Variants in TACC2 observed in about 807,000 individuals in gnomAD.
The protein encoded by TACC2 is transforming acidic coiled-coil containing protein 2, also known as transforming acidic coiled-coil-containing protein 2.
In TACC2, 137 loss-of-function variants were observed where a neutral mutation model predicts 227.3. The observed-to-expected ratio is 0.60, with a 90% CI of 0.52 to 0.69. The LOEUF is 0.69. TACC2 is among the 30% of genes least tolerant of loss of function. The pLI, the probability that TACC2 is intolerant of heterozygous loss-of-function variation, is 0.00. For synonymous variants in TACC2, 1,523 were observed against 1,487.5 expected (o/e 1.02, Z -0.55); for missense variants, 3,470 against 3,694.4 (o/e 0.94, Z 1.57).
chr10:122,093,332 G>A (rs1390253714), intron 5 of TACC2, among the ~76,000 whole-genome samples: 1 of 152,044 alleles, frequency 6.6e-6, no homozygotes, highest in Non-Finnish European at 1.5e-5. Context: ...CTTCTCTCTT[G>A]TCCTCCCATG....
intron 5 of TACC2, among the ~76,000 whole-genome samples, chr10:122,125,562 T>C (rs2086676711): frequency 6.6e-6 from 1 of 152,106 alleles, no homozygotes; most frequent in Non-Finnish European, 1.5e-5. Context: ...TGTCACCTAG[T>C]TTCTTCATGG....
intron 2 of TACC2, among the ~76,000 whole-genome samples, chr10:122,024,884 G>A (rs1957792499): frequency 6.6e-6 from 1 of 152,180 alleles, no homozygotes; most frequent in African/African-American, 2.4e-5. Flanking sequence ...GTGTGTGCAG[G>A]TGTTTTTTGA....
chr10:122,031,077 C>G (rs1192266981), intron 2 of TACC2, among the ~76,000 whole-genome samples: 2 of 152,108 alleles, frequency 1.3e-5, no homozygotes, highest in Non-Finnish European at 2.9e-5. Flanking sequence ...TGATGAATGG[C>G]CTGGCCATTT....
intron 1 of TACC2, among the ~76,000 whole-genome samples, chr10:122,018,136 C>T (rs1956925213): frequency 6.6e-6 from 1 of 152,000 alleles, no homozygotes; most frequent in South Asian, 2.1e-4. Flanking sequence ...CCCCATCCCC[C>T]AACAGGCCCT....
chr10:122,037,262 G>A (rs920842013), intron 2 of TACC2, among the ~76,000 whole-genome samples: 1 of 152,266 alleles, frequency 6.6e-6, no homozygotes, highest in African/African-American at 2.4e-5. Flanking sequence ...GTGCAGCCAG[G>A]GAGCTGGGTG....
chr10:122,092,745 C>T (rs1022313070), intron 5 of TACC2, among the ~76,000 whole-genome samples: 3 of 152,180 alleles, frequency 2.0e-5, no homozygotes, highest in African/African-American at 7.2e-5. Flanking sequence ...GAGAAACAGG[C>T]ACTCTTCTCA....
intron 5 of TACC2, among the ~76,000 whole-genome samples, chr10:122,127,760 C>T (rs1469517734): frequency 6.6e-6 from 1 of 152,194 alleles, no homozygotes; most frequent in South Asian, 2.1e-4. Context: ...CATCCTTAGC[C>T]ACCTGGAAAA....
rs775114861 is a variant in TACC2 at position 122,086,004 on chromosome 10, C to T, written c.3504C>T (p.Ser1168=). 36 of 1,613,774 alleles carry T rather than the reference C, an allele frequency of 2.2e-5. No homozygotes were observed. Among genetic ancestry groups the T allele is most frequent in the South Asian group, 8.8e-5 (8 of 91,078 alleles). The change falls in exon 4 of 23, where the codon TCC becomes TCT. Residue 1168 remains serine (S), a synonymous_variant. Coordinates refer to ENST00000369005, the MANE Select transcript of TACC2 (RefSeq NM_206862.4). ...TTCAGACTGAGCACTGCCTTACCTCCGGGGAGGAAGCTTCTACCTCTGCCC... is the reference window on the plus strand; with the variant it reads ...TTCAGACTGAGCACTGCCTTACCTCTGGGGAGGAAGCTTCTACCTCTGCCC... ...GLLQTEHCLT[S]GEEASTSALR...
At chr10:122,099,322 C>T (rs2081877051) in intron 5 of TACC2, among the ~76,000 whole-genome samples, 1 of 152,216 alleles carries the variant, frequency 6.6e-6, no homozygotes, top group Admixed American at 6.5e-5. Flanking sequence ...GCTTAAGTCT[C>T]AACCCCAGAC....
chr10:122,202,173 A>AT (rs1241085622), intron 8 of TACC2, among the ~76,000 whole-genome samples: 54 of 151,010 alleles, frequency 3.6e-4, no homozygotes, highest in Non-Finnish European at 6.5e-4. Context: ...TTAGGTTATT[A>AT]TTTTTTTAAT....
At chr10:122,019,209 C>G (rs985770921) in intron 1 of TACC2, among the ~76,000 whole-genome samples, 1 of 152,226 alleles carries the variant, frequency 6.6e-6, no homozygotes, top group African/African-American at 2.4e-5. Context: ...TCTGGGCAAG[C>G]CTGCTACTTT....
At chr10:122,133,090 G>C (rs751540863) in intron 6 of TACC2, among the ~76,000 whole-genome samples, 11 of 152,138 alleles carry the variant, frequency 7.2e-5, no homozygotes, top group Non-Finnish European at 1.6e-4. Flanking sequence ...CTTTTTCAGG[G>C]AACGGTTGAG....
At chr10:122,185,759 G>T (rs959648540) in intron 7 of TACC2, among the ~76,000 whole-genome samples, 2 of 152,180 alleles carry the variant, frequency 1.3e-5, no homozygotes, top group African/African-American at 4.8e-5. Context: ...GATGGGTAAG[G>T]GGGTACTGGT....
chr10:122,058,479 G>A (rs530469965), intron 3 of TACC2, among the ~76,000 whole-genome samples: 1 of 152,270 alleles, frequency 6.6e-6, no homozygotes, highest in South Asian at 2.1e-4. Flanking sequence ...CGCGATCTTG[G>A]CTCACTGCAA....
chr10:122,005,608 T>C (rs1304867504), intron 1 of TACC2, among the ~76,000 whole-genome samples: 1 of 150,234 alleles, frequency 6.7e-6, no homozygotes, highest in Non-Finnish European at 1.5e-5. Context: ...ATGGTCTCGA[T>C]CTCCTGACCT....
chr10:122,196,046 G>A (rs565853648), intron 8 of TACC2, among the ~76,000 whole-genome samples: 120 of 152,282 alleles, frequency 7.9e-4, no homozygotes, highest in African/African-American at 2.7e-3. Flanking sequence ...CCACTGCCAG[G>A]GGCCCCCTCG....
At chr10:122,118,453 C>T (rs1439030826) in intron 5 of TACC2, among the ~76,000 whole-genome samples, 2 of 152,228 alleles carry the variant, frequency 1.3e-5, no homozygotes, top group African/African-American at 4.8e-5. Context: ...CTAACAACCC[C>T]TGCGTCATTG....
chr10:122,199,726 C>T (rs1375593479), intron 8 of TACC2, among the ~76,000 whole-genome samples: 4 of 152,198 alleles, frequency 2.6e-5, no homozygotes, highest in Non-Finnish European at 5.9e-5. Flanking sequence ...TAACCATAGA[C>T]CAGGTACCTG....
intron 6 of TACC2, among the ~76,000 whole-genome samples, chr10:122,136,533 TTG>T (rs111268746): frequency 2.6e-3 from 373 of 144,680 alleles, no homozygotes; most frequent in Middle Eastern, 7.2e-3. Flanking sequence ...GTATGTATGT[TTG>T]TGTGTGTGTG....
Sources: allele counts gnomAD v4.1 joint callset (sites outside exome capture counted in the v4.1 genomes callset), GRCh38; gene constraint gnomAD v4.1.1; transcripts MANE v1.5; gene names NCBI Gene and HGNC (gene_info 2026-07-23, HGNC 2026-07-21).